PSG2: variants seen among roughly 807,000 people sequenced by gnomAD.
PSG2 encodes the protein pregnancy-specific beta-1-glycoprotein 2.
A neutral mutation model predicts 36.2 loss-of-function variants in PSG2; 49 were observed. The observed-to-expected ratio is 1.35, with a 90% confidence interval of 1.08 to 1.72. PSG2 has a LOEUF of 1.72. PSG2 is among the 40% of genes most tolerant of loss of function. The pLI, the probability that PSG2 is intolerant of heterozygous loss-of-function variation, is 0.00. For synonymous variants in PSG2, 261 were observed against 155.6 expected (o/e 1.68, Z -5.04); for missense variants, 605 against 407.2 (o/e 1.49, Z -4.18).
chr19:43,067,403 G>T (rs545454225), intron 4 of PSG2, among the ~76,000 whole-genome samples: 19 of 150,646 alleles, frequency 1.3e-4, no homozygotes, highest in Admixed American at 4.6e-4. Flanking sequence ...TCTCCCACAA[G>T]CAGTCAGTAA....
chr19:43,067,076 T>C (rs1032011689), intron 4 of PSG2, among the ~76,000 whole-genome samples: 1 of 151,518 alleles, frequency 6.6e-6, no homozygotes, highest in African/African-American at 2.4e-5. Context: ...CCAGCAAGGG[T>C]GTGAAAGCAA....
chr19:43,082,122 C>CTTTTTTTTTTTTTTTTTTTTTTTTTTTTT (rs71169213), intron 1 of PSG2: 2 of 67,940 alleles, frequency 2.9e-5, no homozygotes, highest in African/African-American at 1.6e-4. Context: ...TTTCTTCTCT[C>CTTTTTTTTTTTTTTTTTTTTTTTTTTTTT]TTTTTTTTTT....
chr19:43,068,145 T>C (rs902097624), intron 4 of PSG2, among the ~76,000 whole-genome samples: 4 of 151,226 alleles, frequency 2.6e-5, no homozygotes, highest in Non-Finnish European at 5.9e-5. Flanking sequence ...AAATCAGAAA[T>C]GAAAATGGAC....
At chr19:43,069,544 G>C (rs76658224) in intron 4 of PSG2, among the ~76,000 whole-genome samples, 2,271 of 151,806 alleles carry the variant, frequency 0.015, 49 homozygotes, top group Middle Eastern at 0.034. Context: ...AGCCCAGAAA[G>C]AAATTCTTGC....
chr19:43,082,438 C>A, intron 1 of PSG2, 68 bp downstream of exon 1: 1 of 1,587,716 alleles, frequency 6.3e-7, no homozygotes, highest in South Asian at 1.1e-5. Flanking sequence ...ACCCCATCCT[C>A]TCCAGGAGAC....
At position 43,064,497 on chromosome 19, in the gene PSG2, G is replaced by C; in HGVS notation, c.*145C>G. ...TGTCTTGAATTTCATGAAGGTATCA[G>C]CCTGTTCATTAAAATTTTGAAAGTT... On this transcript the variant is annotated 3_prime_UTR_variant, in exon 6 of 6. Coordinates refer to ENST00000406487, the MANE Select transcript of PSG2 (RefSeq NM_031246.4). 1 of 579,142 alleles carries C rather than the reference G, an allele frequency of 1.7e-6. No homozygotes were observed. The highest frequency in any genetic ancestry group is 3.2e-6 in the Non-Finnish European group (1 of 314,566). The allele number at this position is 579,142 out of a possible 1,614,324, so 35.9% of individuals were successfully genotyped here. A position where few individuals can be genotyped will look rare whatever the true frequency, so the allele number is the denominator to read the frequency against.
intron 5 of PSG2, among the ~76,000 whole-genome samples, chr19:43,066,290 G>T (rs191585341): frequency 0.013 from 2,036 of 151,744 alleles, 48 homozygotes; most frequent in Admixed American, 0.046. Context: ...TTGAATCTGA[G>T]AAACAAATGA....
chr19:43,067,003 C>T (rs1967749339), intron 4 of PSG2, among the ~76,000 whole-genome samples: 1 of 151,008 alleles, frequency 6.6e-6, no homozygotes, highest in Admixed American at 6.6e-5. Flanking sequence ...GGCAGAAGGC[C>T]CAGGTCAGTG....
At chr19:43,068,467 AAAG>A (rs1269205854) in intron 4 of PSG2, among the ~76,000 whole-genome samples, 1,619 of 134,478 alleles carry the variant, frequency 0.012, 47 homozygotes, top group African/African-American at 0.055. Context: ...AAAAAAAAAA[AAAG>A]AAAGAAAGAA....
rs776659987 is a variant in PSG2, at chr19:43,071,725, G to A, written c.939C>T (p.Ser313=). 6.2e-7 allele frequency: 1 copy of A among 1,612,990 alleles called. No individual in the cohort carries two copies. The highest frequency in any genetic ancestry group is 1.1e-5 in the South Asian group (1 of 91,040). Residue 313 remains serine, a synonymous_variant, in exon 4 of 6, where the codon TCC becomes TCT. Coordinates refer to ENST00000406487, the MANE Select transcript of PSG2 (RefSeq NM_031246.4). ...CAGAGACTTTGACTGTCAACGATGT[G>A]GAGCTTTCCTCGCCAGTGGCTGAGT... ...VRNSATGEES[S]TSLTVKVSAS...
chr19:43,072,869 G>A (rs970148270), intron 3 of PSG2, among the ~76,000 whole-genome samples: 6 of 151,650 alleles, frequency 4.0e-5, no homozygotes, highest in Non-Finnish European at 8.8e-5. Flanking sequence ...CAGCAGTGTT[G>A]GGTCATGGAC....
In PSG2 at chr19:43,071,737, G is replaced by C; in HGVS notation, c.927C>G (p.Gly309=). 1 of 1,612,850 alleles carries C rather than the reference G, an allele frequency of 6.2e-7. No individual in the cohort carries two copies. The highest frequency in any genetic ancestry group is 8.5e-7 in the Non-Finnish European group (1 of 1,179,432). Residue 309 remains glycine (G), a synonymous_variant, in exon 4 of 6, where the codon GGC becomes GGG. Coordinates refer to ENST00000406487, the MANE Select transcript of PSG2 (RefSeq NM_031246.4). ...YVCSVRNSAT[G]EESSTSLTVK... ...CTGTCAACGATGTGGAGCTTTCCTCGCCAGTGGCTGAGTTACGAACAGAGC... is the reference window on the plus strand; with the variant it reads ...CTGTCAACGATGTGGAGCTTTCCTCCCCAGTGGCTGAGTTACGAACAGAGC...
chr19:43,072,185 G>A (rs1264188181), intron 3 of PSG2, among the ~76,000 whole-genome samples: 2 of 151,628 alleles, frequency 1.3e-5, no homozygotes, highest in Admixed American at 6.6e-5. Flanking sequence ...TATATTCTTG[G>A]TTAAGGCTGT....
chr19:43,070,129 C>T (rs1259067562), intron 4 of PSG2, among the ~76,000 whole-genome samples: 2 of 151,552 alleles, frequency 1.3e-5, no homozygotes, highest in South Asian at 2.1e-4. Flanking sequence ...ATCAAAACCA[C>T]AATGTTACAC....
In PSG2 at chr19:43,077,471, C is replaced by G. The variant is rs569517468; in HGVS notation, c.431-1839G>C. Among the ~76,000 whole-genome samples, 102 of 151,658 alleles carry G rather than the reference C, an allele frequency of 6.7e-4. 3 individuals are homozygous for G. Among genetic ancestry groups the G allele is most frequent in the African/African-American group, 2.0e-3 (81 of 41,004 alleles). ...ATGTGAAATGCTTTCTTCATTTTCT[C>G]TTAAGCTCAGGAAACACCACTAGAG... On this transcript the variant is annotated intron_variant, in intron 2 of 5. Transcript: ENST00000406487.
rs932081631 is a variant in PSG2 at position 43,075,346 on chromosome 19, A to G, written c.709+8T>C. The G allele has an allele frequency of 6.2e-7, 1 of 1,612,982 alleles. No homozygotes were observed. Among genetic ancestry groups the G allele is most frequent in the Non-Finnish European group, 8.5e-7 (1 of 1,179,620 alleles). On this transcript the variant is annotated splice_region_variant and intron_variant, in intron 3 of 5. Transcript: ENST00000406487. ...AGTCTGGCCCACAGAGGAACAGAAGATACTCACGGAGGAGATTCAGGGTGA... is the reference window on the plus strand; with the variant it reads ...AGTCTGGCCCACAGAGGAACAGAAGGTACTCACGGAGGAGATTCAGGGTGA...
chr19:43,064,556 GA>G lies in PSG2; in HGVS notation c.*85del. 3.0e-6 allele frequency: 2 copies of G among 677,342 alleles called. No homozygotes were observed. The highest frequency in any genetic ancestry group is 5.5e-6 in the Non-Finnish European group (2 of 362,602). The allele number at this position is 677,342 out of a possible 1,614,324, so 42.0% of individuals were successfully genotyped here. A position where few individuals can be genotyped will look rare whatever the true frequency, so the allele number is the denominator to read the frequency against. ...AGTGGTATGATCTTGAAGTTATCAG[GA>G]GCTTGTATTCAAGAGTCCTTGTAAG... On this transcript the variant is annotated 3_prime_UTR_variant, in exon 6 of 6. Coordinates refer to ENST00000406487, the MANE Select transcript of PSG2 (RefSeq NM_031246.4).
At chr19:43,068,887 A>T (rs567031711) in intron 4 of PSG2, among the ~76,000 whole-genome samples, 4 of 151,780 alleles carry the variant, frequency 2.6e-5, no homozygotes, top group South Asian at 2.1e-4. Context: ...GCAAGAATTT[A>T]AAAAAAGACA....
intron 1 of PSG2, chr19:43,081,971 A>C (rs1338030454): frequency 6.5e-6 from 1 of 152,790 alleles, no homozygotes; most frequent in Non-Finnish European, 1.4e-5. Context: ...CCTGATGATT[A>C]ATCAGGAAAA....
Sources: gnomAD v4.1 joint callset for allele counts (sites outside exome capture counted in the v4.1 genomes callset) on GRCh38, gnomAD v4.1.1 for gene constraint, MANE v1.5 for transcripts, NCBI Gene and HGNC (gene_info 2026-07-23, HGNC 2026-07-21) for gene names.